IGF1R: variants seen among roughly 807,000 people sequenced by gnomAD.
The protein encoded by IGF1R is insulin-like growth factor 1 receptor.
Under a neutral mutation model 144.6 loss-of-function variants are expected in IGF1R, and 44 were observed. The observed-to-expected ratio is 0.30, with a 90% CI of 0.24 to 0.39. The LOEUF is 0.39. Among genes scored for constraint, IGF1R ranks in the 10% least tolerant of loss-of-function variants. The pLI is 1.00. For missense variants in IGF1R, 1,355 were observed against 1,833.7 expected (o/e 0.74, Z 4.77); for synonymous variants, 795 against 722.8 (o/e 1.10, Z -1.60).
chr15:98,748,267 AG>A (rs1222287030), intron 2 of IGF1R, among the ~76,000 whole-genome samples: 1 of 152,204 alleles, frequency 6.6e-6, no homozygotes, highest in African/African-American at 2.4e-5. Context: ...CCTGGGTTCA[AG>A]GGATCCTCCT....
chr15:98,896,958 T>C, intron 4 of IGF1R, 53 bp downstream of exon 4: 1 of 1,578,608 alleles, frequency 6.3e-7, no homozygotes, highest in South Asian at 1.1e-5. Context: ...TTTTCTTTTG[T>C]TGATGCTTTT....
intron 1 of IGF1R, among the ~76,000 whole-genome samples, chr15:98,683,192 T>G (rs2053235120): frequency 6.6e-6 from 1 of 152,082 alleles, no homozygotes; most frequent in African/African-American, 2.4e-5. Flanking sequence ...GGAATAGGGT[T>G]GATCTCAAGG....
Position 98,908,884 on chromosome 15 carries a change from G to A in IGF1R, c.1447G>A (p.Gly483Arg), listed in dbSNP as rs2151670392. ...AGGGGACATAAACACCAGGAACAAC[G>A]GGGAGAGAGCCTCCTGTGAGTGACA... is the stretch of plus-strand genomic sequence containing the variant. The part of the protein sequence containing the change: ...SKGDINTRNN[G>R]ERASCESDVL... Residue 483 changes from glycine (G) to arginine (R), a missense_variant, in exon 6 of 21, where the codon GGG becomes AGG. Gly to Arg is a moderately radical substitution (Grantham distance 125). Around this residue, in one of 7 missense-constraint regions of IGF1R, gnomAD observed 880 missense variants for 1,202.7 expected, o/e 0.73. Transcript: ENST00000650285. 5 of 1,613,742 alleles carry A rather than the reference G, an allele frequency of 3.1e-6. No homozygotes were observed. The highest frequency in any genetic ancestry group is 4.2e-6 in the Non-Finnish European group (5 of 1,179,802).
At chr15:98,779,609 G>A (rs139508307) in intron 2 of IGF1R, among the ~76,000 whole-genome samples, 2 of 152,278 alleles carry the variant, frequency 1.3e-5, no homozygotes, top group African/African-American at 2.4e-5. Context: ...TGAGCTACAC[G>A]TTTCAAAATC....
At chr15:98,653,036 C>T (rs918793191) in intron 1 of IGF1R, among the ~76,000 whole-genome samples, 3 of 151,292 alleles carry the variant, frequency 2.0e-5, no homozygotes, top group Non-Finnish European at 2.9e-5. Context: ...GCTGATGTCT[C>T]TCTCTCTTTT....
chr15:98,723,311 C>G (rs1014256079), intron 2 of IGF1R, among the ~76,000 whole-genome samples: 4 of 152,170 alleles, frequency 2.6e-5, no homozygotes, highest in African/African-American at 4.8e-5. Flanking sequence ...CTCTCCTTGT[C>G]TCTTCTGTCC....
At chr15:98,872,116 G>A (rs1337563485) in intron 2 of IGF1R, among the ~76,000 whole-genome samples, 1 of 152,222 alleles carries the variant, frequency 6.6e-6, no homozygotes, top group African/African-American at 2.4e-5. Flanking sequence ...TTCAAATGAT[G>A]TCTTGGGTAA....
intron 2 of IGF1R, among the ~76,000 whole-genome samples, chr15:98,853,642 G>C (rs2011634468): frequency 6.6e-6 from 1 of 152,228 alleles, no homozygotes; most frequent in African/African-American, 2.4e-5. Context: ...CTGGTTTGCG[G>C]AGTGGAGGAT....
intron 2 of IGF1R, among the ~76,000 whole-genome samples, chr15:98,804,139 A>G (rs935795783): frequency 1.3e-5 from 2 of 152,214 alleles, no homozygotes; most frequent in South Asian, 2.1e-4. Flanking sequence ...CTGTATTTCT[A>G]TTCCTCAGTC....
At chr15:98,740,212 G>C (rs151280952) in intron 2 of IGF1R, among the ~76,000 whole-genome samples, 7 of 152,242 alleles carry the variant, frequency 4.6e-5, no homozygotes, top group Non-Finnish European at 8.8e-5. Flanking sequence ...CATTTGTTTT[G>C]CTTGCCACGT....
In IGF1R at chr15:98,801,572, C is replaced by T. The variant is rs143946236; in HGVS notation, c.641-89753C>T. 2.6e-5 allele frequency among the ~76,000 whole-genome samples: 4 copies of T among 152,338 alleles called. No homozygotes were observed. The East Asian group carries it at 7.7e-4, about 29-fold the overall frequency. On this transcript the variant is annotated intron_variant, in intron 2 of 20. Coordinates refer to ENST00000650285, the MANE Select transcript of IGF1R (RefSeq NM_000875.5). ...TCGAGCTGTGCACAGGGAGCAAACCCCAAGCCGACTGCTTGTCTGTGCCAC... is the reference window on the plus strand; with the variant it reads ...TCGAGCTGTGCACAGGGAGCAAACCTCAAGCCGACTGCTTGTCTGTGCCAC...
chr15:98,757,301 T>G (rs749770102), intron 2 of IGF1R, among the ~76,000 whole-genome samples: 1 of 152,002 alleles, frequency 6.6e-6, no homozygotes, highest in Non-Finnish European at 1.5e-5. Flanking sequence ...GTAGCTGGGA[T>G]TATAGGCACA....
rs547706103 is a variant in IGF1R, at chr15:98,882,265, C to T, written c.641-9060C>T. ...TACAAAGCAGCACTCACTTCCCCTG[C>T]GTGTCAGACACCTGCATGAGGGCTG... On this transcript the variant is annotated intron_variant, in intron 2 of 20. Coordinates refer to ENST00000650285, the MANE Select transcript of IGF1R (RefSeq NM_000875.5). Among the ~76,000 whole-genome samples the T allele has an allele frequency of 1.2e-4, 18 of 152,316 alleles. 1 individual carries two copies. The highest frequency in any genetic ancestry group is 5.8e-4 in the East Asian group (3 of 5,188).
intron 2 of IGF1R, among the ~76,000 whole-genome samples, chr15:98,715,371 A>G (rs2054089381): frequency 6.6e-6 from 1 of 152,192 alleles, no homozygotes; most frequent in Admixed American, 6.5e-5. Context: ...ATCTCGTCTA[A>G]GAGACCAAAA....
chr15:98,819,227 C>T (rs143537475), intron 2 of IGF1R, among the ~76,000 whole-genome samples: 1 of 152,046 alleles, frequency 6.6e-6, no homozygotes, highest in Non-Finnish European at 1.5e-5. Flanking sequence ...GCTTCCCTGT[C>T]GAGAAAAATG....
At chr15:98,746,470 TA>T in intron 2 of IGF1R, among the ~76,000 whole-genome samples, 1 of 152,188 alleles carries the variant, frequency 6.6e-6, no homozygotes, top group Non-Finnish European at 1.5e-5. Flanking sequence ...GATGTCTTTT[TA>T]GTGTAACTTA....
In IGF1R at chr15:98,704,175, C is replaced by G. The variant is rs1161281737; in HGVS notation, c.95-3387C>G. Among the ~76,000 whole-genome samples, 1 of 152,062 alleles carries G rather than the reference C, an allele frequency of 6.6e-6. No homozygotes were observed. Among genetic ancestry groups the G allele is most frequent in the East Asian group, 1.9e-4 (1 of 5,202 alleles). On this transcript the variant is annotated intron_variant, in intron 1 of 20. Coordinates refer to ENST00000650285, the MANE Select transcript of IGF1R (RefSeq NM_000875.5). This position sits in a 1 kb window ranked among gnomAD's most constrained non-coding sequence, Gnocchi z 4.9. ...AATAAAATGGTTCGTTGTATACAAA[C>G]TTTGTTTCATGCACAAGATTATTAA...
At chr15:98,874,185 G>C (rs887167999) in intron 2 of IGF1R, among the ~76,000 whole-genome samples, 2 of 152,134 alleles carry the variant, frequency 1.3e-5, no homozygotes, top group African/African-American at 4.8e-5. Context: ...GGGTGAGAAT[G>C]GTAATTTAGG....
intron 2 of IGF1R, among the ~76,000 whole-genome samples, chr15:98,785,938 A>T (rs2055983651): frequency 6.6e-6 from 1 of 152,194 alleles, no homozygotes; most frequent in Admixed American, 6.5e-5. Context: ...CGGTCTGCTG[A>T]AAGAGTCAGT....
Sources: allele counts gnomAD v4.1 joint callset (sites outside exome capture counted in the v4.1 genomes callset), GRCh38; gene constraint gnomAD v4.1.1; regional missense constraint gnomAD v4.1.1; non-coding constraint Gnocchi (gnomAD v3.1); transcripts MANE v1.5; gene names NCBI Gene and HGNC (gene_info 2026-07-23, HGNC 2026-07-21).